OSBP2: variants seen among roughly 807,000 people sequenced by gnomAD.
OSBP2 encodes the protein oxysterol-binding protein 2.
Under a neutral mutation model 96.0 loss-of-function variants are expected in OSBP2, and 66 were observed. The observed-to-expected ratio is 0.69, with a 90% CI of 0.56 to 0.84. OSBP2 has a LOEUF of 0.84. OSBP2 is among the 40% of genes least tolerant of loss of function. The probability of loss-of-function intolerance (pLI) is 0.00; values close to 1 mark genes in which losing one functional copy is unlikely to be tolerated. For synonymous variants in OSBP2, 525 were observed against 520.9 expected, an observed-to-expected ratio of 1.01 and a Z score of -0.11; for missense variants, 1,038 against 1,222.7, an observed-to-expected ratio of 0.85 and a Z score of 2.25.
At position 30,893,194 on chromosome 22, in the gene OSBP2, A is replaced by T. The variant is rs749106633; in HGVS notation, c.1942A>T (p.Thr648Ser). The change falls in exon 9 of 14, where the codon ACC becomes TCC. Residue 648 changes from threonine to serine, a missense_variant. Around this residue, in one of 3 missense-constraint regions of OSBP2, gnomAD observed 737 missense variants for 913.3 expected, o/e 0.81. Transcript: ENST00000332585. ...KHGWSLWQEI[T>S]ISSKFRGKYI... ...TGGCTGGAGCCTCTGGCAGGAGATCACCATCTCCAGCAAGTTCCGGGGAAA... is the reference window on the plus strand; with the variant it reads ...TGGCTGGAGCCTCTGGCAGGAGATCTCCATCTCCAGCAAGTTCCGGGGAAA... 6.2e-7 allele frequency: 1 copy of T among 1,613,994 alleles called. No individual in the cohort carries two copies. Among genetic ancestry groups the T allele is most frequent in the South Asian group, 1.1e-5 (1 of 91,082 alleles).
intron 2 of OSBP2, among the ~76,000 whole-genome samples, chr22:30,772,392 C>T (rs867601155): frequency 6.6e-6 from 1 of 152,192 alleles, no homozygotes. Context: ...AGACCTGCAG[C>T]CACAAATGAG....
At chr22:30,749,889 T>TG (rs2090052614) in intron 2 of OSBP2, among the ~76,000 whole-genome samples, 1 of 151,716 alleles carries the variant, frequency 6.6e-6, no homozygotes, top group African/African-American at 2.4e-5. Context: ...ATTACAGACG[T>TG]GAGCCACCGC....
intron 2 of OSBP2, among the ~76,000 whole-genome samples, chr22:30,755,427 T>C (rs1350527313): frequency 6.6e-6 from 1 of 152,200 alleles, no homozygotes; most frequent in Non-Finnish European, 1.5e-5. Context: ...TCCTTTCTTA[T>C]CCTTTATTAG....
chr22:30,863,854 G>A (rs1330411049), intron 2 of OSBP2, among the ~76,000 whole-genome samples: 1 of 152,188 alleles, frequency 6.6e-6, no homozygotes, highest in Non-Finnish European at 1.5e-5. Context: ...TGGGGAGTGG[G>A]GAGCAGCGCG....
chr22:30,819,038 CAA>C (rs1203930476), intron 2 of OSBP2, among the ~76,000 whole-genome samples: 2 of 152,152 alleles, frequency 1.3e-5, no homozygotes, highest in African/African-American at 4.8e-5. Flanking sequence ...TAGACCTGTT[CAA>C]AAGACACCCG....
intron 2 of OSBP2, among the ~76,000 whole-genome samples, chr22:30,787,107 C>G (rs1188356253): frequency 6.6e-6 from 1 of 152,088 alleles, no homozygotes; most frequent in Non-Finnish European, 1.5e-5. Flanking sequence ...CAGGAAAGGT[C>G]TTACCAGTCA....
At chr22:30,847,532 A>G (rs900258529) in intron 2 of OSBP2, among the ~76,000 whole-genome samples, 2 of 152,228 alleles carry the variant, frequency 1.3e-5, no homozygotes, top group Non-Finnish European at 2.9e-5. Flanking sequence ...CACCCGCCTC[A>G]GCTTCCCAAA....
At chr22:30,711,877 A>C (rs2089359683) in intron 1 of OSBP2, among the ~76,000 whole-genome samples, 1 of 151,978 alleles carries the variant, frequency 6.6e-6, no homozygotes, top group Non-Finnish European at 1.5e-5. Flanking sequence ...GTTGGTAATC[A>C]TCATTATCTC....
chr22:30,725,898 G>A (rs1036272835), intron 1 of OSBP2, among the ~76,000 whole-genome samples: 1 of 151,630 alleles, frequency 6.6e-6, no homozygotes, highest in African/African-American at 2.4e-5. Flanking sequence ...TCATGCCTCA[G>A]CCTCCCAAGT....
chr22:30,808,405 A>G (rs886562460), intron 2 of OSBP2, among the ~76,000 whole-genome samples: 11 of 151,964 alleles, frequency 7.2e-5, no homozygotes, highest in Non-Finnish European at 1.3e-4. Context: ...TACTCAGGAC[A>G]ATGAGGTGGG....
chr22:30,708,699 G>A (rs1307554441), intron 1 of OSBP2, among the ~76,000 whole-genome samples: 1 of 150,874 alleles, frequency 6.6e-6, no homozygotes, highest in African/African-American at 2.4e-5. Context: ...TGTTGGCCAG[G>A]CTGGTCTGGA....
At chr22:30,789,622 A>G (rs2090644832) in intron 2 of OSBP2, among the ~76,000 whole-genome samples, 1 of 152,200 alleles carries the variant, frequency 6.6e-6, no homozygotes, top group South Asian at 2.1e-4. Flanking sequence ...ACAGCTGTGT[A>G]TGGATCACCC....
chr22:30,832,103 A>C (rs2038534547), intron 2 of OSBP2, among the ~76,000 whole-genome samples: 1 of 152,104 alleles, frequency 6.6e-6, no homozygotes, highest in South Asian at 2.1e-4. Context: ...CACTTTTTCC[A>C]GTATGAGCCT....
At chr22:30,728,355 A>G (rs1053625810) in intron 1 of OSBP2, among the ~76,000 whole-genome samples, 2 of 149,422 alleles carry the variant, frequency 1.3e-5, no homozygotes, top group Non-Finnish European at 3.0e-5. Context: ...AGATCGCGCC[A>G]CTGCACTCCA....
chr22:30,746,934 C>G (rs1055665465), intron 2 of OSBP2, among the ~76,000 whole-genome samples: 8 of 152,168 alleles, frequency 5.3e-5, no homozygotes, highest in African/African-American at 1.9e-4. Flanking sequence ...TACTGGCAAA[C>G]AAAATCCATT....
chr22:30,748,207 G>A (rs2090030391), intron 2 of OSBP2, among the ~76,000 whole-genome samples: 1 of 141,272 alleles, frequency 7.1e-6, no homozygotes, highest in African/African-American at 2.7e-5. Flanking sequence ...TTTTAAGATG[G>A]AGTCCACTCT....
intron 1 of OSBP2, among the ~76,000 whole-genome samples, chr22:30,704,950 C>T (rs970767096): frequency 2.0e-5 from 3 of 152,200 alleles, no homozygotes; most frequent in African/African-American, 7.2e-5. Flanking sequence ...GGTGTGAACT[C>T]ATTCCTCCTT....
chr22:30,853,708 G>GT (rs2039020535), intron 2 of OSBP2, among the ~76,000 whole-genome samples: 1 of 150,186 alleles, frequency 6.7e-6, no homozygotes, highest in Non-Finnish European at 1.5e-5. Flanking sequence ...CATTCCTGTT[G>GT]TTTTTAGTGT....
chr22:30,854,948 A>G (rs1280946534), intron 2 of OSBP2, among the ~76,000 whole-genome samples: 1 of 147,896 alleles, frequency 6.8e-6, no homozygotes, highest in Non-Finnish European at 1.5e-5. Flanking sequence ...GGCAGCAGCA[A>G]GGAGAACAGA....
Sources: gnomAD v4.1 joint callset for allele counts (sites outside exome capture counted in the v4.1 genomes callset) on GRCh38, gnomAD v4.1.1 for gene constraint, gnomAD v4.1.1 regional missense constraint, MANE v1.5 for transcripts, NCBI Gene and HGNC (gene_info 2026-07-23, HGNC 2026-07-21) for gene names.